Variants in PHIP observed in about 807,000 individuals in gnomAD.
PHIP encodes PH-interacting protein.
In PHIP, 54 loss-of-function variants were observed where a neutral mutation model predicts 236.8. The ratio of observed to expected loss-of-function variants is 0.23; its 90% CI spans 0.18 to 0.29. The LOEUF (loss-of-function observed/expected upper bound fraction) is 0.29. Among genes scored for constraint, PHIP ranks in the 10% least tolerant of loss-of-function variants. PHIP has a pLI of 1.00. For missense variants in PHIP, 1,370 were observed against 2,190.8 expected (o/e 0.63, Z 7.48); for synonymous variants, 756 against 718.9 (o/e 1.05, Z -0.83).
chr6:78,988,309 T>C lies in PHIP; in HGVS notation c.2360A>G (p.Lys787Arg), dbSNP rs765667207. 4.1e-5 allele frequency: 66 copies of C among 1,607,326 alleles called. No individual in the cohort carries two copies. Among genetic ancestry groups the C allele is most frequent in the Non-Finnish European group, 5.4e-5 (64 of 1,175,278 alleles). Residue 787 changes from lysine to arginine, a missense_variant, in exon 21 of 40, where the codon AAA becomes AGA. Physicochemically the swap from Lys to Arg is conservative, Grantham distance 26 (BLOSUM62 2). Coordinates refer to ENST00000275034, the MANE Select transcript of PHIP (RefSeq NM_017934.7). Reference sequence around the variant, plus strand: ...ATTGTGTTGATTTGTCTGTTGCTTTTTGGATTCTCCAAGATCCAGGAAATG... The same window carrying C: ...ATTGTGTTGATTTGTCTGTTGCTTTCTGGATTCTCCAAGATCCAGGAAATG... ...HEHFLDLGESKKQQTNQHNYR... is the reference protein window; with the variant it reads ...HEHFLDLGESRKQQTNQHNYR...
chr6:79,069,365 G>A (rs916964736), intron 4 of PHIP, among the ~76,000 whole-genome samples: 7 of 151,794 alleles, frequency 4.6e-5, no homozygotes, highest in African/African-American at 1.7e-4. Context: ...AAGAAAGAAT[G>A]CATTTTCTGA....
rs1771380308 is a variant in PHIP at position 79,025,952 on chromosome 6, T to A, written c.813A>T (p.Thr271=). Residue 271 remains threonine, a synonymous_variant, in exon 8 of 40, where the codon ACA becomes ACT. Coordinates refer to ENST00000275034, the MANE Select transcript of PHIP (RefSeq NM_017934.7). ...AVLQGHSASI[T]SLQFSPLCSG... ...GGATTAAGACAATTACCTGTAGTGA[T>A]GTAATAGATGCACTATGGCCCTGAA... 3 of 1,597,018 alleles carry A rather than the reference T, an allele frequency of 1.9e-6. No homozygotes were observed. Among genetic ancestry groups the A allele is most frequent in the African/African-American group, 2.7e-5 (2 of 74,568 alleles).
At position 78,971,040 on chromosome 6, in the gene PHIP, C is replaced by G. The variant is rs146152423; in HGVS notation, c.2890-152G>C. ...TCCCTCCTCCTTTCTCTCAAGTTGT[C>G]TTAACATCACTAAATCATAACCAAA... On this transcript the variant is annotated intron_variant, in intron 24 of 39. Transcript: ENST00000275034. The G allele has an allele frequency of 1.1e-3, 664 of 590,574 alleles. 6 individuals are homozygous for G. In the East Asian group the frequency reaches 0.018, roughly 16 times the overall value. 36.6% of individuals were successfully genotyped at this position (590,574 alleles called of 1,614,324 possible).
At chr6:78,964,449 G>C (rs1187361877) in intron 29 of PHIP, among the ~76,000 whole-genome samples, 1 of 152,008 alleles carries the variant, frequency 6.6e-6, no homozygotes, top group Non-Finnish European at 1.5e-5. Context: ...TTTCCTTTTT[G>C]TTTTTTAAAG....
chr6:78,998,462 C>T, intron 17 of PHIP, 71 bp from the exon 18 acceptor site: 2 of 1,232,476 alleles, frequency 1.6e-6, no homozygotes, highest in South Asian at 2.7e-5. Context: ...ACCAACCTCA[C>T]TTATGAGTTC....
At chr6:78,997,050 C>T (rs1769668422) in intron 19 of PHIP, among the ~76,000 whole-genome samples, 1 of 150,250 alleles carries the variant, frequency 6.7e-6, no homozygotes, top group Non-Finnish European at 1.5e-5. Context: ...ATGTGAATGG[C>T]TGGCTAAATC....
rs752605620 is a variant in PHIP, at chr6:78,982,928, T to C, written c.2727A>G (p.Pro909=). Residue 909 remains proline, a synonymous_variant, in exon 23 of 40, where the codon CCA becomes CCG. Coordinates refer to ENST00000275034, the MANE Select transcript of PHIP (RefSeq NM_017934.7). ...KKKVNEEKDG[P]ISPKKKKPKE... is the part of the protein sequence containing the mutation. ...TGGGCTTCTTTTTCTTTGGTGATATTGGTCCATCTTTTTCTTCATTTACTT... is the reference window on the plus strand; with the variant it reads ...TGGGCTTCTTTTTCTTTGGTGATATCGGTCCATCTTTTTCTTCATTTACTT... The C allele has an allele frequency of 1.3e-6, 2 of 1,592,028 alleles. No homozygotes were observed. Among genetic ancestry groups the C allele is most frequent in the Non-Finnish European group, 1.7e-6 (2 of 1,172,230 alleles).
chr6:78,987,925 C>T (rs1273830368), intron 21 of PHIP, among the ~76,000 whole-genome samples: 1 of 152,132 alleles, frequency 6.6e-6, no homozygotes, highest in Non-Finnish European at 1.5e-5. Flanking sequence ...CCTGCTCTAC[C>T]TCTTAATAGG....
At chr6:78,972,666 T>A (rs868584797) in intron 24 of PHIP, among the ~76,000 whole-genome samples, 13 of 151,924 alleles carry the variant, frequency 8.6e-5, no homozygotes, top group Middle Eastern at 3.2e-3. Flanking sequence ...GAATAATCAA[T>A]ACAGAGAAGT....
At position 79,001,047 on chromosome 6, in the gene PHIP, T is replaced by C. The variant is rs190699986; in HGVS notation, c.1879+852A>G. ...CTCCTTACAGAATCTAATTTCATTA[T>C]TTAAAAGTCACTCAACACAAAAGCT... is the stretch of plus-strand genomic sequence containing the variant. On this transcript the variant is annotated intron_variant, in intron 17 of 39. Transcript: ENST00000275034. Among the ~76,000 whole-genome samples the C allele has an allele frequency of 2.6e-5, 4 of 152,252 alleles. No homozygotes were observed. In the East Asian group the frequency reaches 5.8e-4, roughly 22 times the overall value.
intron 6 of PHIP, among the ~76,000 whole-genome samples, chr6:79,053,630 TAAGAA>T (rs1432461128): frequency 6.6e-6 from 1 of 152,172 alleles, no homozygotes; most frequent in Non-Finnish European, 1.5e-5. Context: ...AAAAGATGTC[TAAGAA>T]AACACTGAAT....
Position 78,940,970 on chromosome 6 carries a change from A to G in PHIP, c.5189T>C (p.Leu1730Pro), listed in dbSNP as rs1416685651. The change falls in exon 40 of 40, where the codon CTA becomes CCA. Residue 1730 changes from leucine (L) to proline (P), a missense_variant. By Grantham distance (98) the Leu-to-Pro change is moderately conservative. This residue lies in a region of PHIP where 309 missense variants were observed against 328.3 expected (regional missense o/e 0.94). Transcript: ENST00000275034. ...TAACACTTTGACACTTGCAGGGACT[A>G]GGAGATCTGCATCTAATTTTTGTGT... ...MKTQKLDADL[L>P]VPASVKVLRR... 1.9e-6 allele frequency: 3 copies of G among 1,613,534 alleles called. No homozygotes were observed. The highest frequency in any genetic ancestry group is 1.7e-5 in the Admixed American group (1 of 60,002).
intron 4 of PHIP, among the ~76,000 whole-genome samples, chr6:79,076,685 A>G (rs1006221084): frequency 3.3e-5 from 5 of 152,202 alleles, no homozygotes; most frequent in Non-Finnish European, 7.3e-5. Flanking sequence ...TATGTGGACA[A>G]AAATCAAAAC....
At chr6:78,950,019 C>T (rs963322466) in intron 35 of PHIP, among the ~76,000 whole-genome samples, 5 of 152,072 alleles carry the variant, frequency 3.3e-5, no homozygotes, top group Non-Finnish European at 7.4e-5. Context: ...CTTTTTCCTT[C>T]CAAGCCTTGT....
intron 24 of PHIP, among the ~76,000 whole-genome samples, chr6:78,973,155 C>T (rs1424533987): frequency 5.9e-5 from 9 of 152,112 alleles, no homozygotes; most frequent in Admixed American, 5.2e-4. Flanking sequence ...CAAAGGGAAG[C>T]CCATTAGACT....
At chr6:79,066,503 C>T (rs980473920) in intron 4 of PHIP, among the ~76,000 whole-genome samples, 2 of 152,096 alleles carry the variant, frequency 1.3e-5, no homozygotes, top group Admixed American at 6.6e-5. Flanking sequence ...ACACAAATGA[C>T]CTATTACCTC....
chr6:79,057,146 G>A (rs1236969209), intron 6 of PHIP, among the ~76,000 whole-genome samples: 3 of 152,036 alleles, frequency 2.0e-5, no homozygotes, highest in African/African-American at 4.8e-5. Flanking sequence ...TATTCAAGAG[G>A]TCCAACAGTT....
At position 79,015,656 on chromosome 6, in the gene PHIP, T is replaced by C. The variant is rs754121672; in HGVS notation, c.1363A>G (p.Thr455Ala). The stretch of plus-strand genomic sequence containing the variant: ...ATCAGGACATGAATTAGTTGACCAG[T>C]GTAAGAATTCCAAACTTTCAGAGTC... Reference protein sequence around the residue: ...NMTLKVWNSYTGQLIHVLMGH... With the variant: ...NMTLKVWNSYAGQLIHVLMGH... The change falls in exon 14 of 40, where the codon ACT becomes GCT. Residue 455 changes from threonine (T) to alanine (A), a missense_variant. Physicochemically the swap from Thr to Ala is moderately conservative, Grantham distance 58. Transcript: ENST00000275034. 7 of 1,607,568 alleles carry C rather than the reference T, an allele frequency of 4.4e-6. No individual in the cohort carries two copies. The highest frequency in any genetic ancestry group is 1.7e-5 in the Admixed American group (1 of 59,576).
Position 79,015,768 on chromosome 6 carries a change from T to G in PHIP, c.1251A>C (p.Gly417=). The part of the protein sequence containing the change: ...ATRPAGQNLQ[G]IEDKITKMKV... ...TCATTTTTGTGATTTTATCTTCTAT[T>G]CCTTGAAGGTTTTGGCTGAAAGTGA... is the stretch of plus-strand genomic sequence containing the variant. The change falls in exon 14 of 40, where the codon GGA becomes GGC. Residue 417 remains glycine, a synonymous_variant. Coordinates refer to ENST00000275034, the MANE Select transcript of PHIP (RefSeq NM_017934.7). 1 of 1,610,036 alleles carries G rather than the reference T, an allele frequency of 6.2e-7. No individual in the cohort carries two copies. Among genetic ancestry groups the G allele is most frequent in the Non-Finnish European group, 8.5e-7 (1 of 1,178,036 alleles).
Sources: gnomAD v4.1 joint callset for allele counts (sites outside exome capture counted in the v4.1 genomes callset) on GRCh38, gnomAD v4.1.1 for gene constraint, gnomAD v4.1.1 regional missense constraint, MANE v1.5 for transcripts, NCBI Gene and HGNC (gene_info 2026-07-23, HGNC 2026-07-21) for gene names.